Variants in ATRNL1 observed in about 807,000 individuals in gnomAD.
The protein encoded by ATRNL1 is attractin like 1.
ATRNL1 carries 95 observed loss-of-function variants against 182.7 expected under a neutral mutation model. The observed-to-expected ratio is 0.52, with a 90% CI of 0.44 to 0.62. ATRNL1 has a LOEUF of 0.62. ATRNL1 is among the 20% of genes least tolerant of loss of function. ATRNL1 has a pLI of 0.00. For synonymous variants in ATRNL1, 576 were observed against 568.3 expected (o/e 1.01, Z -0.19); for missense variants, 1,471 against 1,679.5 (o/e 0.88, Z 2.17).
At chr10:115,770,347 G>A (rs1035830289) in intron 27 of ATRNL1, among the ~76,000 whole-genome samples, 2 of 152,026 alleles carry the variant, frequency 1.3e-5, no homozygotes, top group Admixed American at 1.3e-4. Context: ...GATAACTTGA[G>A]TACAGCAATA....
At chr10:115,412,172 T>G (rs565200398) in intron 20 of ATRNL1, among the ~76,000 whole-genome samples, 1 of 152,164 alleles carries the variant, frequency 6.6e-6, no homozygotes, top group Non-Finnish European at 1.5e-5. Flanking sequence ...TTGCTGGCTC[T>G]GAGAAAAATG....
In ATRNL1 at chr10:115,093,606, T is replaced by C; in HGVS notation, c.-145T>C. The C allele has an allele frequency of 3.1e-6, 3 of 958,316 alleles. No homozygotes were observed. The highest frequency in any genetic ancestry group is 4.7e-6 in the Non-Finnish European group (3 of 632,920). 59.4% of individuals were successfully genotyped at this position (958,316 alleles called of 1,614,324 possible). On this transcript the variant is annotated 5_prime_UTR_variant, in exon 1 of 29. Transcript: ENST00000355044. This position sits in a 1 kb window ranked among gnomAD's most constrained non-coding sequence, Gnocchi z 6.1. ...GACGGCGGTTGGGATCTGTCCCTCC[T>C]GACCGGGGAGCGGGACTCGGACGGG... is the stretch of plus-strand genomic sequence containing the variant.
intron 26 of ATRNL1, among the ~76,000 whole-genome samples, chr10:115,710,039 C>G (rs1259357071): frequency 1.3e-5 from 2 of 151,860 alleles, no homozygotes; most frequent in East Asian, 3.9e-4. Context: ...GTAGTTTTAG[C>G]AAAGCATCTT....
At chr10:115,120,085 C>T (rs1844660241) in intron 1 of ATRNL1, 100 bp from the exon 2 acceptor site, 2 of 689,462 alleles carry the variant, frequency 2.9e-6, no homozygotes, top group Non-Finnish European at 4.9e-6. Context: ...TTGTTATGTC[C>T]CGTTCCTTTG....
intron 25 of ATRNL1, among the ~76,000 whole-genome samples, chr10:115,519,669 A>G (rs1850817847): frequency 6.6e-6 from 1 of 152,154 alleles, no homozygotes; most frequent in Admixed American, 6.6e-5. Flanking sequence ...AACTAAACCA[A>G]TTTGTTTATT....
chr10:115,894,209 G>A (rs1164394688), intron 28 of ATRNL1, among the ~76,000 whole-genome samples: 1 of 152,168 alleles, frequency 6.6e-6, no homozygotes, highest in African/African-American at 2.4e-5. Context: ...CAAAGTGGTT[G>A]GAGGAATGGG....
chr10:115,565,530 C>A (rs1854024574), intron 26 of ATRNL1, among the ~76,000 whole-genome samples: 1 of 151,954 alleles, frequency 6.6e-6, no homozygotes, highest in Non-Finnish European at 1.5e-5. Context: ...AGACTTACGG[C>A]ATTCAAGTTC....
chr10:115,911,274 A>G (rs774913125), intron 28 of ATRNL1, among the ~76,000 whole-genome samples: 47 of 152,074 alleles, frequency 3.1e-4, no homozygotes, highest in South Asian at 6.2e-4. Context: ...TGCTAGGATT[A>G]CAGACATGAG....
At chr10:115,731,263 A>T (rs1168133704) in intron 27 of ATRNL1, among the ~76,000 whole-genome samples, 2 of 152,160 alleles carry the variant, frequency 1.3e-5, no homozygotes, top group Non-Finnish European at 2.9e-5. Flanking sequence ...AGCAGGTGGG[A>T]TCGGTACCAA....
chr10:115,171,306 A>G lies in ATRNL1; in HGVS notation c.1348+14A>G. On this transcript the variant is annotated intron_variant, in intron 8 of 28. Coordinates refer to ENST00000355044, the MANE Select transcript of ATRNL1 (RefSeq NM_207303.4). ...AATACCATATCTGTGAGTTACTTAA[A>G]AATTGTAATTTCTTTATTGATTGGG... The G allele has an allele frequency of 6.5e-7, 1 of 1,529,802 alleles. No homozygotes were observed. The highest frequency in any genetic ancestry group is 1.3e-5 in the South Asian group (1 of 78,048). The allele number at this position is 1,529,802 out of a possible 1,614,324, so 94.8% of individuals were successfully genotyped here.
intron 19 of ATRNL1, among the ~76,000 whole-genome samples, chr10:115,350,416 T>G (rs981042919): frequency 6.6e-6 from 1 of 151,528 alleles, no homozygotes; most frequent in Admixed American, 6.6e-5. Flanking sequence ...GGTCTTACAT[T>G]TAAGTTTTAA....
At chr10:115,147,959 A>G (rs112606554) in intron 5 of ATRNL1, among the ~76,000 whole-genome samples, 21 of 152,196 alleles carry the variant, frequency 1.4e-4, no homozygotes, top group African/African-American at 4.8e-4. Flanking sequence ...TTTTGGTTCC[A>G]TATGAATTTT....
Position 115,847,952 on chromosome 10 carries a change from C to A in ATRNL1, c.3979C>A (p.Pro1327Thr). Residue 1327 changes from proline (P) to threonine (T), a missense_variant, in exon 28 of 29, where the codon CCA becomes ACA. Physicochemically the swap from Pro to Thr is conservative, Grantham distance 38. Around this residue, in one of 3 missense-constraint regions of ATRNL1, gnomAD observed 437 missense variants for 506.0 expected, o/e 0.86. Transcript: ENST00000355044. ...AAVLTVFLCL[P>T]RGSSGAPPPG... is the part of the protein sequence containing the mutation. ...TGTTCTGACTGTGTTTCTTTGTCTA[C>A]CACGAGGATCATCAGGTGCCCCTCC... 1 of 1,612,198 alleles carries A rather than the reference C, an allele frequency of 6.2e-7. No homozygotes were observed. Among genetic ancestry groups the A allele is most frequent in the Non-Finnish European group, 8.5e-7 (1 of 1,178,572 alleles).
intron 28 of ATRNL1, among the ~76,000 whole-genome samples, chr10:115,903,247 T>G (rs782409660): frequency 2.0e-5 from 3 of 152,234 alleles, no homozygotes; most frequent in Non-Finnish European, 2.9e-5. Flanking sequence ...AAGTTCAAAC[T>G]GCTTTTTACC....
intron 27 of ATRNL1, among the ~76,000 whole-genome samples, chr10:115,764,598 G>C (rs1173111435): frequency 6.6e-6 from 1 of 152,108 alleles, no homozygotes; most frequent in Admixed American, 6.6e-5. Flanking sequence ...ATAATATGTA[G>C]ACTTTTCAGA....
At chr10:115,852,704 A>G (rs1259117792) in intron 28 of ATRNL1, among the ~76,000 whole-genome samples, 1 of 152,196 alleles carries the variant, frequency 6.6e-6, no homozygotes, top group South Asian at 2.1e-4. Context: ...ATACTGGGGC[A>G]TAGCCCTTAT....
At chr10:115,407,314 A>G (rs1366462859) in intron 20 of ATRNL1, among the ~76,000 whole-genome samples, 6 of 152,192 alleles carry the variant, frequency 3.9e-5, no homozygotes, top group Admixed American at 6.5e-5. Flanking sequence ...AGTATAGAAC[A>G]TTAGAACTTA....
intron 19 of ATRNL1, among the ~76,000 whole-genome samples, chr10:115,391,567 G>T (rs2134269644): frequency 6.6e-6 from 1 of 152,148 alleles, no homozygotes; most frequent in South Asian, 2.1e-4. Context: ...GCTTGGGCTT[G>T]TGGGAGGGGT....
At chr10:115,342,149 T>G (rs1415445010) in intron 19 of ATRNL1, among the ~76,000 whole-genome samples, 1 of 152,046 alleles carries the variant, frequency 6.6e-6, no homozygotes, top group Non-Finnish European at 1.5e-5. Flanking sequence ...TTTTATTTCT[T>G]GTGTATCTTG....
Sources: gnomAD v4.1 joint callset for allele counts (sites outside exome capture counted in the v4.1 genomes callset) on GRCh38, gnomAD v4.1.1 for gene constraint, gnomAD v4.1.1 regional missense constraint, Gnocchi (gnomAD v3.1) non-coding constraint, MANE v1.5 for transcripts, NCBI Gene and HGNC (gene_info 2026-07-23, HGNC 2026-07-21) for gene names.